PRKG1: variants seen among roughly 807,000 people sequenced by gnomAD.
The protein encoded by PRKG1 is cGMP-dependent protein kinase 1.
In PRKG1, 35 loss-of-function variants were observed where a neutral mutation model predicts 88.1. That is an observed-to-expected ratio of 0.40 (90% confidence interval 0.30 to 0.53). The LOEUF (loss-of-function observed/expected upper bound fraction) is 0.53. Ranked by LOEUF, PRKG1 falls within the 20% of genes least tolerant of loss-of-function variation. The pLI is 0.59. For synonymous variants in PRKG1, 303 were observed against 292.5 expected (o/e 1.04, Z -0.37); for missense variants, 540 against 839.8 (o/e 0.64, Z 4.41).
At position 51,447,039 on chromosome 10, in the gene PRKG1, T is replaced by G. The variant is rs1812118; in HGVS notation, c.479-20684T>G. The stretch of plus-strand genomic sequence containing the variant: ...TTGTTTCAGAATTCATGTTTTCAGA[T>G]TTTTTAAAAGTAATGTAGCACATAT... On this transcript the variant is annotated intron_variant, in intron 2 of 17. Coordinates refer to ENST00000373980, the MANE Select transcript of PRKG1 (RefSeq NM_006258.4). Among the ~76,000 whole-genome samples, 668 of 152,132 alleles carry G rather than the reference T, an allele frequency of 4.4e-3. 9 individuals carry two copies. Among genetic ancestry groups the G allele is most frequent in the African/African-American group, 0.016 (644 of 41,538 alleles).
chr10:51,135,301 A>G (rs1251530833), intron 1 of PRKG1, among the ~76,000 whole-genome samples: 1 of 152,168 alleles, frequency 6.6e-6, no homozygotes, highest in Non-Finnish European at 1.5e-5. Flanking sequence ...AACTTATTTG[A>G]CGTTTTTAAA....
chr10:51,237,435 G>T (rs372560577), intron 2 of PRKG1, among the ~76,000 whole-genome samples: 1 of 152,138 alleles, frequency 6.6e-6, no homozygotes, highest in African/African-American at 2.4e-5. Context: ...AGTGGGATCT[G>T]TCATTTAGGA....
chr10:51,696,207 A>G (rs1318128153), intron 3 of PRKG1: 1 of 152,174 alleles, frequency 6.6e-6, no homozygotes, highest in Non-Finnish European at 1.5e-5. Context: ...ATGATTAATG[A>G]TAGAAAAGTA....
chr10:51,992,208 C>A (rs1019444622), intron 5 of PRKG1, among the ~76,000 whole-genome samples: 7 of 151,942 alleles, frequency 4.6e-5, no homozygotes, highest in African/African-American at 1.7e-4. Context: ...CAATTATATG[C>A]CCAATTATAT....
chr10:51,971,811 G>A (rs1365761168), intron 5 of PRKG1, among the ~76,000 whole-genome samples: 2 of 152,054 alleles, frequency 1.3e-5, no homozygotes, highest in African/African-American at 4.8e-5. Flanking sequence ...GTTGCTGATT[G>A]AGTGTTCAGC....
intron 7 of PRKG1, among the ~76,000 whole-genome samples, chr10:52,105,098 A>G (rs1167269627): frequency 6.6e-6 from 1 of 151,404 alleles, no homozygotes; most frequent in African/African-American, 2.4e-5. Context: ...TTTCTCATTC[A>G]TAGTTTCTTA....
At chr10:51,565,879 TGGGAAATAC>T (rs1258241021) in intron 3 of PRKG1, among the ~76,000 whole-genome samples, 2 of 152,224 alleles carry the variant, frequency 1.3e-5, no homozygotes, top group East Asian at 3.9e-4. Context: ...CTAACCCATT[TGGGAAATAC>T]GCAATAATGA....
chr10:52,200,870 T>C (rs1179633751), intron 9 of PRKG1, among the ~76,000 whole-genome samples: 1 of 152,176 alleles, frequency 6.6e-6, no homozygotes, highest in Admixed American at 6.5e-5. Flanking sequence ...GAAAAGTATC[T>C]GGTCATGTCC....
rs1213125692 is a variant in PRKG1 at position 52,295,650 on chromosome 10, G to A, written c.*1750G>A. On this transcript the variant is annotated 3_prime_UTR_variant, in exon 18 of 18. Transcript: ENST00000373980. ...AAATTGACGCTTGCTTTTTTTTTCA[G>A]TAGAGTTTTCTTTTTAATCAATCAA... is the stretch of plus-strand genomic sequence containing the variant. The A allele has an allele frequency of 6.6e-6, 1 of 151,580 alleles. No individual in the cohort carries two copies. Among genetic ancestry groups the A allele is most frequent in the Non-Finnish European group, 1.5e-5 (1 of 67,808 alleles). 9.4% of individuals were successfully genotyped at this position (151,580 alleles called of 1,614,324 possible). A position where few individuals can be genotyped will look rare whatever the true frequency, so the allele number is the denominator to read the frequency against.
chr10:51,628,979 A>AAAAAC lies in PRKG1; in HGVS notation c.592+161143_592+161144insAAAAC, dbSNP rs1491355464. ...AGACTCCGTCTCAAAAAAAAAAAAA[A>AAAAAC]CAAAAACAAAAACCAAAAAAACTGC... On this transcript the variant is annotated intron_variant, in intron 3 of 17. Transcript: ENST00000373980. Among the ~76,000 whole-genome samples the AAAAAC allele has an allele frequency of 1.7e-3, 246 of 141,604 alleles. 1 individual carries two copies. The highest frequency in any genetic ancestry group is 5.8e-3 in the African/African-American group (216 of 37,104). 92.9% of individuals were successfully genotyped at this position (141,604 alleles called of 152,430 possible). A position where few individuals can be genotyped will look rare whatever the true frequency, so the allele number is the denominator to read the frequency against.
chr10:51,405,159 T>A (rs1374229668), intron 2 of PRKG1, among the ~76,000 whole-genome samples: 2 of 152,216 alleles, frequency 1.3e-5, no homozygotes, highest in Non-Finnish European at 2.9e-5. Context: ...TCATCCATCA[T>A]TCTAAATAGT....
At chr10:51,874,056 A>C (rs1468166157) in intron 4 of PRKG1, among the ~76,000 whole-genome samples, 2 of 152,224 alleles carry the variant, frequency 1.3e-5, no homozygotes, top group African/African-American at 4.8e-5. Context: ...GCCCATAGCC[A>C]GTGTATGGAA....
intron 1 of PRKG1, among the ~76,000 whole-genome samples, chr10:51,132,024 C>G (rs956530231): frequency 1.2e-4 from 19 of 152,082 alleles, no homozygotes; most frequent in Admixed American, 6.6e-4. Flanking sequence ...AATCTATTCC[C>G]AGCCCACCCC....
At chr10:51,636,252 C>T (rs564924670) in intron 3 of PRKG1, among the ~76,000 whole-genome samples, 5 of 152,148 alleles carry the variant, frequency 3.3e-5, no homozygotes, top group East Asian at 1.9e-4. Context: ...GAAATGACAC[C>T]GCCCTAGGAC....
intron 5 of PRKG1, among the ~76,000 whole-genome samples, chr10:52,037,039 T>C (rs1452951146): frequency 5.3e-5 from 8 of 152,270 alleles, no homozygotes; most frequent in East Asian, 3.9e-4. Context: ...CTTCAGCCGC[T>C]AAGCCGAGAA....
At chr10:51,249,970 C>A (rs74865028) in intron 2 of PRKG1, among the ~76,000 whole-genome samples, 2,045 of 151,830 alleles carry the variant, frequency 0.013, 51 homozygotes, top group African/African-American at 0.046. Context: ...TAGAACATAT[C>A]CACATGCATT....
At chr10:52,078,807 C>T (rs919972467) in intron 7 of PRKG1, among the ~76,000 whole-genome samples, 3 of 152,144 alleles carry the variant, frequency 2.0e-5, no homozygotes, top group African/African-American at 7.2e-5. Context: ...TGCTGCTTAA[C>T]CAAATAATTT....
intron 2 of PRKG1, among the ~76,000 whole-genome samples, chr10:51,282,574 G>C (rs1210314420): frequency 6.6e-6 from 1 of 152,168 alleles, no homozygotes; most frequent in Non-Finnish European, 1.5e-5. Context: ...TAAATGCTGG[G>C]AATCTATAGT....
chr10:51,493,740 C>T (rs1442027685), intron 3 of PRKG1, among the ~76,000 whole-genome samples: 1 of 150,660 alleles, frequency 6.6e-6, no homozygotes, highest in Admixed American at 6.6e-5. Context: ...TGCCTAAGAC[C>T]ATGATGAACA....
Sources: allele counts gnomAD v4.1 joint callset (sites outside exome capture counted in the v4.1 genomes callset), GRCh38; gene constraint gnomAD v4.1.1; transcripts MANE v1.5; gene names NCBI Gene and HGNC (gene_info 2026-07-23, HGNC 2026-07-21).